The following LRPPRC variants were observed in gnomAD, a reference collection of about 807,000 sequenced individuals.
LRPPRC encodes leucine rich pentatricopeptide repeat containing, also known as leucine-rich PPR motif-containing protein, mitochondrial.
A neutral mutation model predicts 180.3 loss-of-function variants in LRPPRC; 120 were observed. That is an observed-to-expected ratio of 0.67 (90% confidence interval 0.57 to 0.77). LRPPRC has a LOEUF of 0.77. LRPPRC is among the 30% of genes least tolerant of loss of function. The pLI is 0.00. For synonymous variants in LRPPRC, 723 were observed against 600.0 expected (o/e 1.21, Z -3.00); for missense variants, 2,012 against 1,657.2 (o/e 1.21, Z -3.72).
At chr2:43,981,033 T>G (rs1460138783) in intron 2 of LRPPRC, among the ~76,000 whole-genome samples, 1 of 152,190 alleles carries the variant, frequency 6.6e-6, no homozygotes, top group East Asian at 1.9e-4. Flanking sequence ...TCTGAGTGTG[T>G]CTGAAACCCA....
At position 43,974,628 on chromosome 2, in the gene LRPPRC, C is replaced by G; in HGVS notation, c.995G>C (p.Arg332Thr). The G allele has an allele frequency of 6.3e-7, 1 of 1,592,940 alleles. No individual in the cohort carries two copies. Among genetic ancestry groups the G allele is most frequent in the Admixed American group, 1.7e-5 (1 of 59,800 alleles). The part of the protein sequence containing the change: ...SEILEKVTCE[R>T]RYIPDAMNLI... ...TTTAAAACTACCTGGAATATATCTT[C>G]TTTCACATGTAACTTTTTCCAAAAT... The change falls in exon 8 of 38, where the codon AGA becomes ACA. Residue 332 changes from arginine (R) to threonine (T), a missense_variant. Transcript: ENST00000260665.
At chr2:43,898,089 CA>C (rs1163809008) in intron 34 of LRPPRC, among the ~76,000 whole-genome samples, 3 of 95,776 alleles carry the variant, frequency 3.1e-5, no homozygotes, top group Non-Finnish European at 6.4e-5. Flanking sequence ...AAAAAAAAAA[CA>C]AAGGAAAAAA....
rs754855090 is a variant in LRPPRC, at chr2:43,982,340, G to C, written c.244C>G (p.Gln82Glu). 2.5e-6 allele frequency: 4 copies of C among 1,613,368 alleles called. No individual in the cohort carries two copies. Among genetic ancestry groups the C allele is most frequent in the Middle Eastern group, 1.7e-4 (1 of 6,060 alleles). The change falls in exon 2 of 38, where the codon CAG becomes GAG. Residue 82 changes from glutamine to glutamate, a missense_variant. Coordinates refer to ENST00000260665, the MANE Select transcript of LRPPRC (RefSeq NM_133259.4). ...AGTCTCATTAGAGCCCAATCAAACT[G>C]ATTGGAAATCTTCCTAGAAGAAAAA... ...STFSSRKISN[Q>E]FDWALMRLDL... is the part of the protein sequence containing the mutation.
intron 14 of LRPPRC, 59 bp downstream of exon 14, chr2:43,957,326 A>C: frequency 8.7e-7 from 1 of 1,151,886 alleles, no homozygotes. Flanking sequence ...CAATAAGTCA[A>C]AAGGACAGGA....
At chr2:43,893,874 A>G (rs2104978129) in intron 36 of LRPPRC, among the ~76,000 whole-genome samples, 1 of 152,298 alleles carries the variant, frequency 6.6e-6, no homozygotes, top group South Asian at 2.1e-4. Context: ...GATAAAATCA[A>G]TGAAGCAATT....
At chr2:43,948,985 T>C (rs1382668878) in intron 16 of LRPPRC, among the ~76,000 whole-genome samples, 1 of 152,116 alleles carries the variant, frequency 6.6e-6, no homozygotes, top group Non-Finnish European at 1.5e-5. Flanking sequence ...GATACAGTAA[T>C]CCTGTGGAGA....
chr2:43,973,935 GCAAACACC>G, intron 9 of LRPPRC, 35 bp from the exon 10 acceptor site: 1 of 1,285,196 alleles, frequency 7.8e-7, no homozygotes, highest in South Asian at 1.2e-5. Context: ...AGCTGGATTG[GCAAACACC>G]CCACCGTTTG....
At chr2:43,954,421 T>C (rs1018609758) in intron 14 of LRPPRC, among the ~76,000 whole-genome samples, 4 of 152,204 alleles carry the variant, frequency 2.6e-5, no homozygotes, top group African/African-American at 7.2e-5. Flanking sequence ...ATCCATCAGC[T>C]TGGCCAAAAT....
intron 23 of LRPPRC, 62 bp downstream of exon 23, chr2:43,943,625 G>A (rs878912457): frequency 1.0e-5 from 14 of 1,402,568 alleles, no homozygotes; most frequent in Admixed American, 5.0e-5. Context: ...AGTATAATCC[G>A]AAAATTATTA....
chr2:43,898,895 G>C (rs895147130), intron 34 of LRPPRC, among the ~76,000 whole-genome samples: 2 of 152,156 alleles, frequency 1.3e-5, no homozygotes, highest in African/African-American at 2.4e-5. Flanking sequence ...TTGTTGTTTT[G>C]CATTATCTAT....
At position 43,889,805 on chromosome 2, in the gene LRPPRC, CATCCAATT is replaced by C. The variant is rs1670420895; in HGVS notation, c.4049_4056del (p.Lys1350ArgfsTer22). 6.2e-7 allele frequency: 1 copy of C among 1,610,742 alleles called. No homozygotes were observed. Among genetic ancestry groups the C allele is most frequent in the African/African-American group, 1.3e-5 (1 of 74,982 alleles). Reference sequence around the variant, plus strand: ...GATGCGTAACGCTTTAGAAACAGATCATCCAATTTTGTATTCTTTGCAGTCAAATGTTC... The same window carrying C: ...GATGCGTAACGCTTTAGAAACAGATCTTGTATTCTTTGCAGTCAAATGTTC... On this transcript the variant is annotated frameshift_variant, in exon 37 of 38. Coordinates refer to ENST00000260665, the MANE Select transcript of LRPPRC (RefSeq NM_133259.4). LOFTEE classifies it high-confidence loss of function.
chr2:43,888,462 A>AT lies in LRPPRC; in HGVS notation c.*137dup. 1.6e-6 allele frequency: 1 copy of AT among 638,826 alleles called. No individual in the cohort carries two copies. The highest frequency in any genetic ancestry group is 1.6e-5 in the South Asian group (1 of 60,880). The allele number at this position is 638,826 out of a possible 1,614,324, so 39.6% of individuals were successfully genotyped here. A position where few individuals can be genotyped will look rare whatever the true frequency, so the allele number is the denominator to read the frequency against. ...AACCAAGTGCACAGAGTTATGGTCAATAAGACTTTGAACATGCATCACACA... is the reference window on the plus strand; with the variant it reads ...AACCAAGTGCACAGAGTTATGGTCAATTAAGACTTTGAACATGCATCACACA... On this transcript the variant is annotated 3_prime_UTR_variant, in exon 38 of 38. Coordinates refer to ENST00000260665, the MANE Select transcript of LRPPRC (RefSeq NM_133259.4).
chr2:43,917,027 A>T (rs188791582), intron 29 of LRPPRC, among the ~76,000 whole-genome samples: 4 of 145,666 alleles, frequency 2.7e-5, no homozygotes, highest in East Asian at 2.0e-4. Context: ...AACAATTAAC[A>T]TCTTACTAGA....
At chr2:43,913,877 T>C (rs1181677107) in intron 29 of LRPPRC, among the ~76,000 whole-genome samples, 2 of 152,214 alleles carry the variant, frequency 1.3e-5, no homozygotes, top group Non-Finnish European at 2.9e-5. Flanking sequence ...GATTATTCCA[T>C]CAGATACCTA....
At chr2:43,938,616 C>T (rs1466511350) in intron 23 of LRPPRC, among the ~76,000 whole-genome samples, 1 of 152,080 alleles carries the variant, frequency 6.6e-6, no homozygotes, top group Non-Finnish European at 1.5e-5. Flanking sequence ...CTTGAAGCTC[C>T]GATGGCAAAT....
At chr2:43,929,107 A>G (rs1671992066) in intron 25 of LRPPRC, among the ~76,000 whole-genome samples, 1 of 152,222 alleles carries the variant, frequency 6.6e-6, no homozygotes, top group African/African-American at 2.4e-5. Context: ...ACATCTTTTT[A>G]CAAGATGAAT....
At chr2:43,959,747 A>G (rs986569981) in intron 13 of LRPPRC, among the ~76,000 whole-genome samples, 2 of 152,046 alleles carry the variant, frequency 1.3e-5, no homozygotes, top group Non-Finnish European at 2.9e-5. Flanking sequence ...AGCTGGGCAT[A>G]GTGGCATGTG....
chr2:43,970,002 T>C (rs979938492), intron 11 of LRPPRC, among the ~76,000 whole-genome samples: 1 of 152,048 alleles, frequency 6.6e-6, no homozygotes, highest in African/African-American at 2.4e-5. Context: ...GGAGCAATAA[T>C]AACTTAATTT....
rs1671831381 is a variant in LRPPRC at position 43,925,147 on chromosome 2, A to T, written c.2816T>A (p.Leu939Gln). The T allele has an allele frequency of 6.3e-7, 1 of 1,576,956 alleles. No homozygotes were observed. The highest frequency in any genetic ancestry group is 1.3e-5 in the African/African-American group (1 of 74,164). ...CTGTGTCAGCTCCACTAATTTTTCCAGAGTTTCAACCTTAAAAGTAAGATT... is the reference window on the plus strand; with the variant it reads ...CTGTGTCAGCTCCACTAATTTTTCCTGAGTTTCAACCTTAAAAGTAAGATT... ...RCVANNQVET[L>Q]EKLVELTQKL... Residue 939 changes from leucine (L) to glutamine (Q), a missense_variant, in exon 27 of 38, where the codon CTG becomes CAG. Coordinates refer to ENST00000260665, the MANE Select transcript of LRPPRC (RefSeq NM_133259.4).
Sources: allele counts gnomAD v4.1 joint callset (sites outside exome capture counted in the v4.1 genomes callset), GRCh38; gene constraint gnomAD v4.1.1; transcripts MANE v1.5; gene names NCBI Gene and HGNC (gene_info 2026-07-23, HGNC 2026-07-21).